ZNF43: variants seen among roughly 807,000 people sequenced by gnomAD.
ZNF43 encodes the protein zinc finger protein 43, also known as zinc finger protein 39-like 1 (KOX 27).
A neutral mutation model predicts 68.4 loss-of-function variants in ZNF43; 44 were observed. That is an observed-to-expected ratio of 0.64 (90% CI 0.51 to 0.83). The LOEUF (loss-of-function observed/expected upper bound fraction) is 0.83, where lower values mean the gene tolerates loss of function less well. Among genes scored for constraint, ZNF43 ranks in the 40% least tolerant of loss-of-function variants. The pLI is 0.00. For missense variants in ZNF43, 896 were observed against 933.2 expected, an observed-to-expected ratio of 0.96 and a Z score of 0.52; for synonymous variants, 308 against 307.8, an observed-to-expected ratio of 1.00 and a Z score of -0.01.
intron 1 of ZNF43, among the ~76,000 whole-genome samples, chr19:21,822,869 C>G (rs2037926135): frequency 1.3e-5 from 2 of 151,808 alleles, no homozygotes; most frequent in South Asian, 4.2e-4. Flanking sequence ...TCGGTTTTTC[C>G]TAAGCTTACC....
chr19:21,822,184 CTG>C (rs1424694148), intron 1 of ZNF43, among the ~76,000 whole-genome samples: 8 of 150,878 alleles, frequency 5.3e-5, no homozygotes, highest in South Asian at 2.1e-4. Context: ...GTGCCCTCCT[CTG>C]CCATGGACAC....
chr19:21,814,272 G>C (rs554554245), intron 3 of ZNF43, among the ~76,000 whole-genome samples: 1 of 151,840 alleles, frequency 6.6e-6, no homozygotes. Context: ...TACTAACTTA[G>C]AGAAGACAAA....
chr19:21,817,965 T>A lies in ZNF43; in HGVS notation c.152A>T (p.Asp51Val). Residue 51 changes from aspartate to valine, a missense_variant, in exon 3 of 4, where the codon GAC becomes GTC. Asp to Val is a radical substitution (Grantham distance 152). Transcript: ENST00000354959. ...TTCTTGCTCCAGACAGGTGATCAGG[T>A]CTGGCTTAGAGACAGCAATACCTGT... ...VFLGIAVSKPDLITCLEQEKE... is the reference protein window; with the variant it reads ...VFLGIAVSKPVLITCLEQEKE... 1.9e-6 allele frequency: 3 copies of A among 1,613,456 alleles called. No homozygotes were observed. Among genetic ancestry groups the A allele is most frequent in the Non-Finnish European group, 1.7e-6 (2 of 1,179,572 alleles).
At chr19:21,826,243 T>G (rs1568368940) in intron 1 of ZNF43, among the ~76,000 whole-genome samples, 1 of 152,120 alleles carries the variant, frequency 6.6e-6, no homozygotes, top group African/African-American at 2.4e-5. Flanking sequence ...ATGGGAAGCC[T>G]GAAAGAAAAA....
At position 21,808,383 on chromosome 19, in the gene ZNF43, T is replaced by C. The variant is rs145677006; in HGVS notation, c.1654A>G (p.Ile552Val). 1,253 of 1,612,820 alleles carry C rather than the reference T, an allele frequency of 7.8e-4. 3 individuals are homozygous for C. The highest frequency in any genetic ancestry group is 8.8e-4 in the Non-Finnish European group (1,043 of 1,179,752). The change falls in exon 4 of 4, where the codon ATC (isoleucine) becomes GTC (valine). Residue 552 changes from isoleucine to valine, a missense_variant. Coordinates refer to ENST00000354959, the MANE Select transcript of ZNF43 (RefSeq NM_003423.4). ...TGAATCCTCTTATGTTTGGTAAGGATTGAGAAATGGTTAAAAGCTTTGCCA... is the reference window on the plus strand; with the variant it reads ...TGAATCCTCTTATGTTTGGTAAGGACTGAGAAATGGTTAAAAGCTTTGCCA... ...ECGKAFNHFS[I>V]LTKHKRIHTG...
rs538692452 is a variant in ZNF43, at chr19:21,827,175, G to A, written c.4-7954C>T. 3.9e-5 allele frequency: 6 copies of A among 152,204 alleles called. No homozygotes were observed. In the East Asian group the frequency reaches 1.2e-3, roughly 29 times the overall value. 9.4% of individuals were successfully genotyped at this position (152,204 alleles called of 1,614,324 possible). ...ATGAAAAAAATATATATTCTCAGCAGAATTTTCTAAGGTTTCTCTTCCATG... is the reference window on the plus strand; with the variant it reads ...ATGAAAAAAATATATATTCTCAGCAAAATTTTCTAAGGTTTCTCTTCCATG... On this transcript the variant is annotated intron_variant, in intron 1 of 3. Coordinates refer to ENST00000354959, the MANE Select transcript of ZNF43 (RefSeq NM_003423.4).
intron 1 of ZNF43, among the ~76,000 whole-genome samples, chr19:21,835,475 A>G (rs1203286766): frequency 6.9e-6 from 1 of 144,418 alleles, no homozygotes; most frequent in Non-Finnish European, 1.5e-5. Flanking sequence ...TTCCTGTCTC[A>G]GCCTCCCTAG....
At chr19:21,812,683 G>A (rs1487859446) in intron 3 of ZNF43, among the ~76,000 whole-genome samples, 5 of 151,966 alleles carry the variant, frequency 3.3e-5, no homozygotes, top group African/African-American at 4.8e-5. Flanking sequence ...AGGTACAGTG[G>A]CTCACATCTT....
chr19:21,823,432 A>G (rs983838774), intron 1 of ZNF43, among the ~76,000 whole-genome samples: 1 of 152,210 alleles, frequency 6.6e-6, no homozygotes, highest in African/African-American at 2.4e-5. Flanking sequence ...ACAGAGCAGA[A>G]TTAACCATTC....
upstream of ZNF43, among the ~76,000 whole-genome samples, chr19:21,837,193 T>C (rs1259722716): frequency 6.6e-6 from 1 of 152,110 alleles, no homozygotes. Flanking sequence ...ATCTCTAATG[T>C]GTTCCCATGA....
chr19:21,831,059 T>G (rs2038401893), intron 1 of ZNF43, among the ~76,000 whole-genome samples: 1 of 152,210 alleles, frequency 6.6e-6, no homozygotes, highest in South Asian at 2.1e-4. Flanking sequence ...ACATTCTTCA[T>G]GTTAAAACCC....
At chr19:21,846,615 A>G (rs11667936) in intron 1 of ZNF43, among the ~76,000 whole-genome samples, 5,220 of 152,334 alleles carry the variant, frequency 0.034, 128 homozygotes, top group Admixed American at 0.051. Flanking sequence ...AGCAGGGCCA[A>G]GAAAAAAATA....
At chr19:21,834,541 A>C (rs1038472121) in intron 1 of ZNF43, among the ~76,000 whole-genome samples, 1 of 151,328 alleles carries the variant, frequency 6.6e-6, no homozygotes, top group Non-Finnish European at 1.5e-5. Flanking sequence ...GGTGGATCAC[A>C]AGGTCAGGAG....
intron 1 of ZNF43, among the ~76,000 whole-genome samples, chr19:21,835,152 G>C (rs1216930112): frequency 6.8e-6 from 1 of 147,216 alleles, no homozygotes; most frequent in Non-Finnish European, 1.5e-5. Context: ...AGGAGGCTGA[G>C]GCAAGAAAAT....
rs2037072772 is a variant in ZNF43, at chr19:21,808,338, T to C, written c.1699A>G (p.Lys567Glu). 1.9e-6 allele frequency: 3 copies of C among 1,613,104 alleles called. No individual in the cohort carries two copies. In the East Asian group the frequency reaches 6.7e-5, roughly 36 times the overall value. Reference protein sequence around the residue: ...KRIHTGEKPYKCEECGKAFTQ... With the variant: ...KRIHTGEKPYECEECGKAFTQ... ...AAAGCTTTGCCACATTCTTCACACT[T>C]GTAGGGTTTCTCTCCAGTATGAATC... Residue 567 changes from lysine (K) to glutamate (E), a missense_variant, in exon 4 of 4, where the codon AAG (lysine) becomes GAG (glutamate). By Grantham distance (56) the Lys-to-Glu change is moderately conservative. Coordinates refer to ENST00000354959, the MANE Select transcript of ZNF43 (RefSeq NM_003423.4).
intron 1 of ZNF43, 47 bp downstream of exon 1, chr19:21,835,989 C>G (rs200827980): frequency 1.2e-6 from 2 of 1,613,036 alleles, no homozygotes; most frequent in South Asian, 1.1e-5. Context: ...GCCTGAGTCA[C>G]GCCACAGCCC....
At chr19:21,813,590 T>C (rs542637714) in intron 3 of ZNF43, among the ~76,000 whole-genome samples, 33 of 152,242 alleles carry the variant, frequency 2.2e-4, no homozygotes, top group African/African-American at 7.2e-4. Flanking sequence ...CTCAACTTAT[T>C]TGAGATATCT....
chr19:21,824,578 C>T (rs1022165501), intron 1 of ZNF43, among the ~76,000 whole-genome samples: 4 of 152,086 alleles, frequency 2.6e-5, no homozygotes, highest in Non-Finnish European at 5.9e-5. Context: ...CTGGCCCTGT[C>T]TTGTGAATCC....
chr19:21,818,911 G>C (rs1392105930), intron 2 of ZNF43, among the ~76,000 whole-genome samples, 184 bp downstream of exon 2: 3 of 152,018 alleles, frequency 2.0e-5, no homozygotes, highest in African/African-American at 2.4e-5. Flanking sequence ...AATGTGGAAA[G>C]TTCAGGTCAA....
Sources: gnomAD v4.1 joint callset for allele counts (sites outside exome capture counted in the v4.1 genomes callset) on GRCh38, gnomAD v4.1.1 for gene constraint, MANE v1.5 for transcripts, NCBI Gene and HGNC (gene_info 2026-07-23, HGNC 2026-07-21) for gene names.